The following NFX1 variants were observed in gnomAD, a reference collection of about 807,000 sequenced individuals.
NFX1 encodes the protein nuclear transcription factor, X-box binding 1, also known as transcriptional repressor NF-X1.
In NFX1, 69 loss-of-function variants were observed where a neutral mutation model predicts 137.2. The ratio of observed to expected loss-of-function variants is 0.50; its 90% confidence interval spans 0.41 to 0.61. The LOEUF (loss-of-function observed/expected upper bound fraction) is 0.61, where lower values mean the gene tolerates loss of function less well. Ranked by LOEUF, NFX1 falls within the 20% of genes least tolerant of loss-of-function variation. NFX1 has a pLI of 0.00. For synonymous variants in NFX1, 495 were observed against 474.1 expected (o/e 1.04, Z -0.57); for missense variants, 1,167 against 1,391.0 (o/e 0.84, Z 2.56).
At chr9:33,314,801 G>T (rs1168769336) in intron 7 of NFX1, among the ~76,000 whole-genome samples, 3 of 152,156 alleles carry the variant, frequency 2.0e-5, no homozygotes, top group Admixed American at 6.5e-5. Context: ...AATTTTCTGG[G>T]TTGATAGAAA....
chr9:33,361,403 T>A (rs1587879137), intron 19 of NFX1, among the ~76,000 whole-genome samples: 1 of 152,262 alleles, frequency 6.6e-6, no homozygotes, highest in East Asian at 1.9e-4. Context: ...TCAAGCTAAT[T>A]AGCATATGCA....
intron 11 of NFX1, among the ~76,000 whole-genome samples, chr9:33,336,690 T>A (rs1823016633): frequency 6.6e-6 from 1 of 152,208 alleles, no homozygotes; most frequent in African/African-American, 2.4e-5. Context: ...AGCCTTGATC[T>A]CCTGGGCTCC....
intron 16 of NFX1, 131 bp from the exon 17 acceptor site, chr9:33,352,515 C>A: frequency 2.6e-6 from 2 of 769,194 alleles, no homozygotes; most frequent in South Asian, 1.4e-5. Context: ...TAGCTTCTTC[C>A]AGCTTGGAGA....
In NFX1 at chr9:33,338,534, G is replaced by A. The variant is rs764425708; in HGVS notation, c.2060G>A (p.Arg687Gln). Residue 687 changes from arginine to glutamine, a missense_variant, in exon 12 of 24, where the codon CGG (arginine) becomes CAG (glutamine). Physicochemically the swap from Arg to Gln is conservative, Grantham distance 43 (BLOSUM62 1). This residue lies in a region of NFX1 where 488 missense variants were observed against 691.5 expected (regional missense o/e 0.71). Coordinates refer to ENST00000379540, the MANE Select transcript of NFX1 (RefSeq NM_002504.6). ...GATGCTACATTTATGTGTGACAAGC[G>A]GTGTAACAAGAAACGGTTGTGTGGA... is the stretch of plus-strand genomic sequence containing the variant. ...SEDATFMCDKRCNKKRLCGRH... is the reference protein window; with the variant it reads ...SEDATFMCDKQCNKKRLCGRH... 5.0e-6 allele frequency: 8 copies of A among 1,603,406 alleles called. No homozygotes were observed. The highest frequency in any genetic ancestry group is 2.3e-5 in the South Asian group (2 of 87,990).
chr9:33,353,993 A>G (rs755415074), intron 17 of NFX1, 93 bp from the exon 18 acceptor site: 9 of 1,199,078 alleles, frequency 7.5e-6, no homozygotes, highest in Non-Finnish European at 1.0e-5. Context: ...CCTGGCCTAG[A>G]TTTGCTTTTA....
chr9:33,309,110 C>CCA (rs1397446609), intron 5 of NFX1, among the ~76,000 whole-genome samples: 1 of 152,174 alleles, frequency 6.6e-6, no homozygotes, highest in East Asian at 1.9e-4. Flanking sequence ...GTAATCCCAG[C>CCA]ACTTTGGGAG....
chr9:33,310,219 G>A (rs1821914335), intron 5 of NFX1, among the ~76,000 whole-genome samples: 1 of 152,138 alleles, frequency 6.6e-6, no homozygotes, highest in Non-Finnish European at 1.5e-5. Flanking sequence ...ATGTTTTACA[G>A]CAAATTCTGT....
intron 3 of NFX1, among the ~76,000 whole-genome samples, chr9:33,302,873 T>C (rs1222222179): frequency 6.6e-6 from 1 of 151,912 alleles, no homozygotes; most frequent in East Asian, 1.9e-4. Context: ...TTTCATCATG[T>C]TAGCCAGGGT....
chr9:33,367,710 G>C (rs1824211503), intron 23 of NFX1, 91 bp downstream of exon 23: 1 of 1,169,942 alleles, frequency 8.5e-7, no homozygotes, highest in African/African-American at 1.5e-5. Context: ...AGCCATTGGT[G>C]GCCTCCTCAG....
At chr9:33,345,694 C>T (rs1823395789) in intron 14 of NFX1, among the ~76,000 whole-genome samples, 1 of 152,012 alleles carries the variant, frequency 6.6e-6, no homozygotes, top group African/African-American at 2.4e-5. Context: ...TTTGATCTGT[C>T]CCCTTGTAAG....
At chr9:33,315,441 ACT>A (rs1348016376) in intron 7 of NFX1, among the ~76,000 whole-genome samples, 3 of 151,484 alleles carry the variant, frequency 2.0e-5, no homozygotes, top group African/African-American at 7.3e-5. Flanking sequence ...CCTGAAATAT[ACT>A]CTCTCCTTCG....
intron 9 of NFX1, among the ~76,000 whole-genome samples, chr9:33,322,017 A>G (rs555615308): frequency 5.3e-5 from 8 of 152,016 alleles, no homozygotes; most frequent in Non-Finnish European, 1.0e-4. Flanking sequence ...CCTGGCCAAC[A>G]TGATGAAACC....
rs79637107 is a variant in NFX1 at position 33,293,479 on chromosome 9, A to G, written c.26-941A>G. ...TTACTCTTCACTGCAACTCTTTGATATAGAGGTTGTTACTATCTTCATTAC... is the reference window on the plus strand; with the variant it reads ...TTACTCTTCACTGCAACTCTTTGATGTAGAGGTTGTTACTATCTTCATTAC... On this transcript the variant is annotated intron_variant, in intron 1 of 23. Coordinates refer to ENST00000379540, the MANE Select transcript of NFX1 (RefSeq NM_002504.6). Among the ~76,000 whole-genome samples the G allele has an allele frequency of 2.1e-3, 317 of 152,342 alleles. 5 individuals are homozygous for G. The highest frequency in any genetic ancestry group is 7.3e-3 in the African/African-American group (304 of 41,572).
chr9:33,361,889 G>C (rs902606646), intron 19 of NFX1, among the ~76,000 whole-genome samples: 1 of 151,956 alleles, frequency 6.6e-6, no homozygotes, highest in African/African-American at 2.4e-5. Flanking sequence ...TTGGGTGGCT[G>C]AGGCCAGCGG....
chr9:33,341,232 G>A (rs1823208546), intron 12 of NFX1, among the ~76,000 whole-genome samples: 1 of 152,186 alleles, frequency 6.6e-6, no homozygotes, highest in Non-Finnish European at 1.5e-5. Flanking sequence ...GAGGCAAGGA[G>A]GAGCAAGTCA....
intron 1 of NFX1, among the ~76,000 whole-genome samples, chr9:33,293,777 G>C (rs150176337): frequency 9.2e-5 from 14 of 152,338 alleles, no homozygotes; most frequent in Admixed American, 9.1e-4. Context: ...TTGTAGACCA[G>C]ATTATAGAGG....
At chr9:33,368,078 A>T (rs1451869194) in intron 23 of NFX1, among the ~76,000 whole-genome samples, 1 of 152,180 alleles carries the variant, frequency 6.6e-6, no homozygotes, top group Non-Finnish European at 1.5e-5. Flanking sequence ...TACTAAAAAT[A>T]TAAAAAAGTA....
chr9:33,344,423 C>T (rs768332281), intron 14 of NFX1, among the ~76,000 whole-genome samples: 8 of 152,188 alleles, frequency 5.3e-5, no homozygotes, highest in Admixed American at 1.3e-4. Flanking sequence ...TTGGAAGACT[C>T]CCCAGCTGAT....
chr9:33,321,276 G>A (rs540512055), intron 9 of NFX1, among the ~76,000 whole-genome samples: 2 of 152,166 alleles, frequency 1.3e-5, no homozygotes, highest in East Asian at 1.9e-4. Context: ...GGGATAAGAG[G>A]GTACCTGCTA....
Sources: gnomAD v4.1 joint callset for allele counts (sites outside exome capture counted in the v4.1 genomes callset) on GRCh38, gnomAD v4.1.1 for gene constraint, gnomAD v4.1.1 regional missense constraint, MANE v1.5 for transcripts, NCBI Gene and HGNC (gene_info 2026-07-23, HGNC 2026-07-21) for gene names.